ATG4A: variants seen among roughly 807,000 people sequenced by gnomAD.
ATG4A encodes the protein cysteine protease ATG4A.
In ATG4A, 22 loss-of-function variants were observed where a neutral mutation model predicts 38.4. The ratio of observed to expected loss-of-function variants is 0.57; its 90% CI spans 0.41 to 0.82. The LOEUF (loss-of-function observed/expected upper bound fraction) is 0.82, where lower values mean the gene tolerates loss of function less well. Among genes scored for constraint, ATG4A ranks in the 40% least tolerant of loss-of-function variants. The pLI, the probability that ATG4A is intolerant of heterozygous loss-of-function variation, is 0.00. For missense variants in ATG4A, 220 were observed against 290.0 expected, an observed-to-expected ratio of 0.76 and a Z score of 1.75; for synonymous variants, 86 against 100.7, an observed-to-expected ratio of 0.85 and a Z score of 0.88.
intron 4 of ATG4A, 90 bp downstream of exon 4, chrX:108,131,448 C>T: frequency 1.1e-6 from 1 of 894,618 alleles, no homozygotes; most frequent in Non-Finnish European, 1.6e-6. Context: ...GCCTTGGGAA[C>T]ACTCAGTAAC....
At chrX:108,132,790 G>T (rs1287083538) in intron 4 of ATG4A, among the ~76,000 whole-genome samples, 2 of 100,382 alleles carry the variant, frequency 2.0e-5, no homozygotes, top group East Asian at 6.2e-4. Context: ...GAAGTAGGGA[G>T]CAAACTGGAA....
At chrX:108,117,447 A>G (rs753149685) in intron 1 of ATG4A, among the ~76,000 whole-genome samples, 1 of 112,339 alleles carries the variant, frequency 8.9e-6, no homozygotes, top group African/African-American at 3.2e-5. Context: ...AGAATGATTC[A>G]TCAAGAAAGG....
intron 1 of ATG4A, among the ~76,000 whole-genome samples, chrX:108,125,866 A>G (rs1243846757): frequency 1.8e-5 from 2 of 112,064 alleles, no homozygotes; most frequent in East Asian, 5.6e-4. Context: ...GACCTTGAGA[A>G]AGGGAAGGTC....
intron 1 of ATG4A, among the ~76,000 whole-genome samples, chrX:108,114,502 G>C (rs1569303376): frequency 8.9e-6 from 1 of 111,910 alleles, no homozygotes; most frequent in African/African-American, 3.3e-5. Context: ...CTTTCAATAA[G>C]ATTTGGGGAA....
At chrX:108,148,467 C>CA (rs59447671) in intron 9 of ATG4A, among the ~76,000 whole-genome samples, 33,645 of 78,699 alleles carry the variant, frequency 0.43, 6,357 homozygotes, top group Non-Finnish European at 0.48. Context: ...GACCCTGTCT[C>CA]AAAAAAAAAA....
intron 1 of ATG4A, among the ~76,000 whole-genome samples, chrX:108,100,783 A>C (rs886947175): frequency 7.5e-4 from 84 of 111,826 alleles, no homozygotes; most frequent in African/African-American, 2.7e-3. Context: ...TGTATAATTT[A>C]TATGTTATAT....
rs1343404655 is a variant in ATG4A, at chrX:108,135,883, C to T, written c.468-1208C>T. Among the ~76,000 whole-genome samples, 3 of 108,885 alleles carry T rather than the reference C, an allele frequency of 2.8e-5. No individual in the cohort carries two copies. The Admixed American group carries it at 2.9e-4, about 11-fold the overall frequency. 94.6% of individuals were successfully genotyped at this position (108,885 alleles called of 115,157 possible). On this transcript the variant is annotated intron_variant, in intron 6 of 12. Transcript: ENST00000372232. ...CACTGCAACCTCCACCTCCCAGGGT[C>T]AAGCATTCTCCTGTCTCAGCCTCCC...
chrX:108,139,500 G>T (rs1441297284), intron 9 of ATG4A, among the ~76,000 whole-genome samples: 2 of 112,012 alleles, frequency 1.8e-5, no homozygotes, highest in African/African-American at 6.5e-5. Context: ...GGATTGCACA[G>T]CTGCCTCTGC....
chrX:108,116,458 T>C (rs1247073244), intron 1 of ATG4A, among the ~76,000 whole-genome samples: 1 of 111,803 alleles, frequency 8.9e-6, no homozygotes, highest in Non-Finnish European at 1.9e-5. Flanking sequence ...CCCCCGGTGT[T>C]GTAACACTTC....
At chrX:108,141,038 A>G (rs1421559589) in intron 9 of ATG4A, among the ~76,000 whole-genome samples, 2 of 75,589 alleles carry the variant, frequency 2.6e-5, no homozygotes, top group Non-Finnish European at 2.4e-5. Flanking sequence ...ATACATATAT[A>G]CATATATATA....
chrX:108,119,318 ATTTTAAT>A (rs777620014), intron 1 of ATG4A, among the ~76,000 whole-genome samples: 2 of 111,978 alleles, frequency 1.8e-5, no homozygotes, highest in Admixed American at 1.9e-4. Flanking sequence ...TTTGTCTTTA[ATTTTAAT>A]TAAACAGCTG....
intron 1 of ATG4A, among the ~76,000 whole-genome samples, chrX:108,108,078 G>A (rs907091362): frequency 2.8e-5 from 3 of 107,887 alleles, no homozygotes; most frequent in African/African-American, 1.0e-4. Flanking sequence ...GGATAGGGAA[G>A]TTATTACCTA....
intron 1 of ATG4A, among the ~76,000 whole-genome samples, chrX:108,110,201 CAAAAA>C (rs35962236): frequency 1.9e-5 from 1 of 51,582 alleles, no homozygotes. Context: ...CCTGTCTCCA[CAAAAA>C]AAAAAAAAAA....
intron 4 of ATG4A, among the ~76,000 whole-genome samples, chrX:108,132,901 A>G (rs1056363760): frequency 9.0e-6 from 1 of 111,416 alleles, no homozygotes; most frequent in African/African-American, 3.3e-5. Flanking sequence ...AAGATGAGTT[A>G]AAAGAGTAAT....
intron 9 of ATG4A, among the ~76,000 whole-genome samples, chrX:108,148,497 A>C (rs2148029453): frequency 1.1e-5 from 1 of 92,716 alleles, no homozygotes; most frequent in East Asian, 3.1e-4. Flanking sequence ...TGCAGCTTGT[A>C]AAGCTCCACT....
intron 7 of ATG4A, among the ~76,000 whole-genome samples, chrX:108,137,376 G>A (rs1438762084): frequency 8.9e-6 from 1 of 112,096 alleles, no homozygotes; most frequent in East Asian, 2.8e-4. Context: ...CCTCAGTGAG[G>A]TACCACACTC....
chrX:108,118,497 C>T (rs967158620), intron 1 of ATG4A, among the ~76,000 whole-genome samples: 1 of 111,599 alleles, frequency 9.0e-6, no homozygotes, highest in Non-Finnish European at 1.9e-5. Flanking sequence ...AGGTAATGGT[C>T]CCTGCCCTGT....
At chrX:108,128,284 T>G (rs774540112) in intron 2 of ATG4A, among the ~76,000 whole-genome samples, 1 of 110,772 alleles carries the variant, frequency 9.0e-6, no homozygotes, top group African/African-American at 3.3e-5. Context: ...AGGCTGGTCT[T>G]GAATTCCTGG....
chrX:108,143,312 G>A (rs928379686), intron 9 of ATG4A, among the ~76,000 whole-genome samples: 6 of 111,481 alleles, frequency 5.4e-5, no homozygotes, highest in African/African-American at 1.6e-4. Flanking sequence ...TCCCTTTGCC[G>A]TCAGTAAACA....
Sources: gnomAD v4.1 joint callset for allele counts (sites outside exome capture counted in the v4.1 genomes callset) on GRCh38, gnomAD v4.1.1 for gene constraint, MANE v1.5 for transcripts, NCBI Gene and HGNC (gene_info 2026-07-23, HGNC 2026-07-21) for gene names.